Variants in WDR35 observed in about 807,000 individuals in gnomAD.
WDR35 encodes the protein WD repeat-containing protein 35.
Under a neutral mutation model 158.3 loss-of-function variants are expected in WDR35, and 118 were observed. The ratio of observed to expected loss-of-function variants is 0.75; its 90% CI spans 0.64 to 0.87. WDR35 has a LOEUF of 0.87. WDR35 is among the 40% of genes least tolerant of loss of function. The pLI is 0.00. For synonymous variants in WDR35, 448 were observed against 476.1 expected, an observed-to-expected ratio of 0.94 and a Z score of 0.77; for missense variants, 1,263 against 1,405.8, an observed-to-expected ratio of 0.90 and a Z score of 1.62.
intron 6 of WDR35, among the ~76,000 whole-genome samples, chr2:19,974,970 T>C (rs970947583): frequency 3.3e-5 from 5 of 152,208 alleles, no homozygotes; most frequent in Non-Finnish European, 7.3e-5. Context: ...TAACCCTTGC[T>C]AAAAAACAAA....
intron 2 of WDR35, among the ~76,000 whole-genome samples, chr2:19,988,076 A>T (rs1044267144): frequency 3.3e-5 from 5 of 152,112 alleles, no homozygotes; most frequent in Non-Finnish European, 7.4e-5. Flanking sequence ...GTAGTGGTTA[A>T]AAACAAGGAC....
At chr2:19,919,136 T>C (rs1213743013) in intron 25 of WDR35, among the ~76,000 whole-genome samples, 2 of 152,022 alleles carry the variant, frequency 1.3e-5, no homozygotes, top group East Asian at 1.9e-4. Flanking sequence ...ATTCCAGCAC[T>C]TTCGGAGGCC....
chr2:19,959,465 T>A (rs189876795), intron 11 of WDR35, among the ~76,000 whole-genome samples: 1 of 152,110 alleles, frequency 6.6e-6, no homozygotes, highest in Admixed American at 6.5e-5. Context: ...GGAACACTAA[T>A]GTGTATATAT....
At chr2:19,983,705 C>A (rs894230542) in intron 2 of WDR35, among the ~76,000 whole-genome samples, 4 of 152,018 alleles carry the variant, frequency 2.6e-5, no homozygotes, top group African/African-American at 9.7e-5. Flanking sequence ...ATTCTGAAAA[C>A]ATTGTCAGGA....
chr2:19,939,183 G>T (rs559402194), intron 17 of WDR35, among the ~76,000 whole-genome samples: 2 of 152,234 alleles, frequency 1.3e-5, no homozygotes, highest in African/African-American at 4.8e-5. Flanking sequence ...AAGAACTTAC[G>T]TAAGGAGAAA....
At chr2:19,984,755 C>T (rs1672499177) in intron 2 of WDR35, among the ~76,000 whole-genome samples, 1 of 152,230 alleles carries the variant, frequency 6.6e-6, no homozygotes, top group Non-Finnish European at 1.5e-5. Flanking sequence ...CTTAGAAAAG[C>T]GTGACTGCCA....
In WDR35 at chr2:19,914,083, T is replaced by C; in HGVS notation, c.3316A>G (p.Thr1106Ala). 1.9e-6 allele frequency: 3 copies of C among 1,614,140 alleles called. No homozygotes were observed. Among genetic ancestry groups the C allele is most frequent in the East Asian group, 4.5e-5 (2 of 44,870 alleles). Residue 1106 changes from threonine (T) to alanine (A), a missense_variant, in exon 26 of 27, where the codon ACT (threonine) becomes GCT (alanine). Transcript: ENST00000281405. Reference sequence around the variant, plus strand: ...TCAGGTTTTCTGTTATCTTTTGAAGTATGTTTGGTGAAGATTTCTAAAGCA... The same window carrying C: ...TCAGGTTTTCTGTTATCTTTTGAAGCATGTTTGGTGAAGATTTCTAAAGCA... ...DLALEIFTKHTSKDNRKPELD... is the reference protein window; with the variant it reads ...DLALEIFTKHASKDNRKPELD...
intron 19 of WDR35, among the ~76,000 whole-genome samples, chr2:19,937,062 A>G (rs1558331931): frequency 6.6e-6 from 1 of 152,352 alleles, no homozygotes; most frequent in East Asian, 1.9e-4. Context: ...ATGTGGTTTT[A>G]TATGACTTTT....
chr2:19,922,096 T>C (rs1450505165), intron 25 of WDR35, among the ~76,000 whole-genome samples: 4 of 152,148 alleles, frequency 2.6e-5, no homozygotes, highest in South Asian at 2.1e-4. Flanking sequence ...CGTGGAGAAA[T>C]AGGAATGCTT....
At chr2:19,937,020 G>A (rs150405294) in intron 19 of WDR35, among the ~76,000 whole-genome samples, 404 of 152,222 alleles carry the variant, frequency 2.7e-3, no homozygotes, top group African/African-American at 9.1e-3. Context: ...ATGTGATCAG[G>A]TTTATTTCAA....
rs1175037104 is a variant in WDR35 at position 19,938,278 on chromosome 2, G to A, written c.2050C>T (p.His684Tyr). 1 of 1,614,046 alleles carries A rather than the reference G, an allele frequency of 6.2e-7. No homozygotes were observed. Among genetic ancestry groups the A allele is most frequent in the Non-Finnish European group, 8.5e-7 (1 of 1,179,982 alleles). ...DASQFIEDNP[H>Y]PRLWRLLAEA... ...TTTTTTAAATACCAAAGTCGGGGGT[G>A]TGGATTGTCCTCTATGAACTGAGAT... The change falls in exon 18 of 27, where the codon CAC becomes TAC. Residue 684 changes from histidine to tyrosine, a missense_variant. Coordinates refer to ENST00000281405, the MANE Select transcript of WDR35 (RefSeq NM_020779.4).
chr2:19,946,051 T>C, intron 15 of WDR35, 55 bp from the exon 16 acceptor site: 1 of 1,548,954 alleles, frequency 6.5e-7, no homozygotes, highest in Non-Finnish European at 8.9e-7. Context: ...CTATCAGCAA[T>C]CATGAGAATA....
intron 10 of WDR35, among the ~76,000 whole-genome samples, chr2:19,961,531 C>G (rs1383632223): frequency 6.6e-6 from 1 of 152,116 alleles, no homozygotes; most frequent in Non-Finnish European, 1.5e-5. Flanking sequence ...CAGGTGGTAT[C>G]AAGAACCTGA....
chr2:19,965,852 C>A (rs925642381), intron 10 of WDR35, among the ~76,000 whole-genome samples: 1 of 152,154 alleles, frequency 6.6e-6, no homozygotes, highest in Non-Finnish European at 1.5e-5. Flanking sequence ...TTCTTTCTCC[C>A]ACCAGGTACC....
rs942630321 is a variant in WDR35 at position 19,989,173 on chromosome 2, G to A, written c.134C>T (p.Thr45Met). Reference protein sequence around the residue: ...DGLLKVLKLETQTDDAKLRGL... With the variant: ...DGLLKVLKLEMQTDDAKLRGL... ...GGCTTGCATTCATTTACCTGTCTGCGTCTCTAATTTCAAAACTTTCAGTAA... is the reference window on the plus strand; with the variant it reads ...GGCTTGCATTCATTTACCTGTCTGCATCTCTAATTTCAAAACTTTCAGTAA... The change falls in exon 2 of 27, where the codon ACG becomes ATG. Residue 45 changes from threonine (T) to methionine (M), a missense_variant. Coordinates refer to ENST00000281405, the MANE Select transcript of WDR35 (RefSeq NM_020779.4). The A allele has an allele frequency of 1.2e-6, 2 of 1,613,884 alleles. No homozygotes were observed. The highest frequency in any genetic ancestry group is 1.1e-5 in the South Asian group (1 of 91,076).
At chr2:19,929,011 G>A (rs1041781063) in intron 25 of WDR35, among the ~76,000 whole-genome samples, 2 of 152,080 alleles carry the variant, frequency 1.3e-5, no homozygotes, top group African/African-American at 4.8e-5. Flanking sequence ...GTTTCACCGT[G>A]TTAGCCGGGA....
At chr2:19,965,909 C>T (rs1226257938) in intron 10 of WDR35, among the ~76,000 whole-genome samples, 1 of 152,162 alleles carries the variant, frequency 6.6e-6, no homozygotes, top group Non-Finnish European at 1.5e-5. Context: ...AGCCAGTTGC[C>T]TCTGTTTTCT....
intron 19 of WDR35, among the ~76,000 whole-genome samples, chr2:19,937,254 A>C (rs1670726973): frequency 6.6e-6 from 1 of 152,224 alleles, no homozygotes; most frequent in Non-Finnish European, 1.5e-5. Context: ...GACAGGCCTT[A>C]CAGTTCTTTA....
chr2:19,916,880 A>C (rs1292445295), intron 25 of WDR35, among the ~76,000 whole-genome samples: 2 of 152,226 alleles, frequency 1.3e-5, no homozygotes, highest in Non-Finnish European at 2.9e-5. Context: ...AGCTCTGATA[A>C]GGGACAGACT....
Sources: allele counts gnomAD v4.1 joint callset (sites outside exome capture counted in the v4.1 genomes callset), GRCh38; gene constraint gnomAD v4.1.1; transcripts MANE v1.5; gene names NCBI Gene and HGNC (gene_info 2026-07-23, HGNC 2026-07-21).